Variants in ST6GALNAC3 observed in about 807,000 individuals in gnomAD.
ST6GALNAC3 encodes the protein ST6 N-acetylgalactosaminide alpha-2,6-sialyltransferase 3, also known as alpha-N-acetylgalactosaminide alpha-2,6-sialyltransferase 3.
In ST6GALNAC3, 25 loss-of-function variants were observed where a neutral mutation model predicts 32.7. The observed-to-expected ratio is 0.76, with a 90% CI of 0.56 to 1.07. The LOEUF is 1.07. ST6GALNAC3 is among the 50% of genes least tolerant of loss of function. ST6GALNAC3 has a pLI of 0.00. For missense variants in ST6GALNAC3, 355 were observed against 382.4 expected, an observed-to-expected ratio of 0.93 and a Z score of 0.60; for synonymous variants, 129 against 133.1, an observed-to-expected ratio of 0.97 and a Z score of 0.21.
intron 1 of ST6GALNAC3, among the ~76,000 whole-genome samples, chr1:76,132,565 C>T (rs929043441): frequency 6.6e-6 from 1 of 152,156 alleles, no homozygotes; most frequent in Non-Finnish European, 1.5e-5. Flanking sequence ...AAGCCACAAC[C>T]ACATTGCACT....
intron 3 of ST6GALNAC3, among the ~76,000 whole-genome samples, chr1:76,599,686 TTTGA>T (rs1396869085): frequency 1.3e-5 from 2 of 151,714 alleles, no homozygotes; most frequent in African/African-American, 4.8e-5. Context: ...AAATTCGTTG[TTTGA>T]TTATTTTATT....
intron 2 of ST6GALNAC3, among the ~76,000 whole-genome samples, chr1:76,380,573 C>T (rs1351735141): frequency 1.3e-5 from 2 of 152,026 alleles, no homozygotes; most frequent in Non-Finnish European, 2.9e-5. Flanking sequence ...TGTCCACCAA[C>T]AGTAGAATAG....
At chr1:76,122,792 G>T (rs1648971261) in intron 1 of ST6GALNAC3, among the ~76,000 whole-genome samples, 2 of 152,102 alleles carry the variant, frequency 1.3e-5, no homozygotes, top group Non-Finnish European at 2.9e-5. Context: ...CCAGGAACAG[G>T]TAGCATCATT....
At position 76,219,961 on chromosome 1, in the gene ST6GALNAC3, T is replaced by C. The variant is rs376284180; in HGVS notation, c.19-93844T>C. On this transcript the variant is annotated intron_variant, in intron 1 of 4. Coordinates refer to ENST00000328299, the MANE Select transcript of ST6GALNAC3 (RefSeq NM_152996.4). ...AATTCCTGTGACTCGTGGTGGTTGT[T>C]ATAGAGAGGGTACACAGTGGTGAAT... Among the ~76,000 whole-genome samples, 11 of 152,218 alleles carry C rather than the reference T, an allele frequency of 7.2e-5. No homozygotes were observed. In the East Asian group the frequency reaches 1.4e-3, roughly 19 times the overall value.
intron 3 of ST6GALNAC3, among the ~76,000 whole-genome samples, chr1:76,584,973 T>C (rs1371523570): frequency 6.6e-6 from 1 of 152,056 alleles, no homozygotes; most frequent in South Asian, 2.1e-4. Context: ...GGTCCCAGAG[T>C]GAAGAAGACA....
intron 1 of ST6GALNAC3, among the ~76,000 whole-genome samples, chr1:76,298,177 C>T (rs1343014873): frequency 6.6e-6 from 1 of 151,964 alleles, no homozygotes; most frequent in Non-Finnish European, 1.5e-5. Flanking sequence ...ATAGACAACT[C>T]CCTCTCACCT....
At chr1:76,247,772 A>T (rs2100687784) in intron 1 of ST6GALNAC3, among the ~76,000 whole-genome samples, 1 of 150,644 alleles carries the variant, frequency 6.6e-6, no homozygotes, top group East Asian at 2.0e-4. Flanking sequence ...TGGGAGTGGG[A>T]CCTGCTGAGT....
chr1:76,255,817 G>A (rs1657887519), intron 1 of ST6GALNAC3, among the ~76,000 whole-genome samples: 1 of 151,840 alleles, frequency 6.6e-6, no homozygotes, highest in Non-Finnish European at 1.5e-5. Context: ...AACAATAATT[G>A]TAAACTAGAA....
intron 1 of ST6GALNAC3, among the ~76,000 whole-genome samples, chr1:76,075,158 A>C (rs1233554223): frequency 6.6e-6 from 1 of 152,082 alleles, no homozygotes; most frequent in Non-Finnish European, 1.5e-5. Flanking sequence ...CTGTGTGCCG[A>C]ATAATGGGGA....
At chr1:76,184,519 GCACACACACACACACACA>G (rs71071992) in intron 1 of ST6GALNAC3, among the ~76,000 whole-genome samples, 1 of 134,176 alleles carries the variant, frequency 7.5e-6, no homozygotes, top group African/African-American at 2.9e-5. Flanking sequence ...CTCCTGGGCA[GCACACACACACACACACA>G]CACACACACA....
At chr1:76,090,934 C>T (rs1647036059) in intron 1 of ST6GALNAC3, among the ~76,000 whole-genome samples, 1 of 152,198 alleles carries the variant, frequency 6.6e-6, no homozygotes, top group East Asian at 1.9e-4. Context: ...TTAGAGTGCT[C>T]AGAGTCCCTG....
intron 1 of ST6GALNAC3, among the ~76,000 whole-genome samples, chr1:76,261,518 C>G (rs565882809): frequency 6.6e-6 from 1 of 152,346 alleles, no homozygotes; most frequent in East Asian, 1.9e-4. Context: ...CCTGTCCCTA[C>G]CACTTACCTG....
intron 3 of ST6GALNAC3, among the ~76,000 whole-genome samples, chr1:76,421,792 G>A (rs1407352853): frequency 6.6e-6 from 1 of 151,964 alleles, no homozygotes; most frequent in Non-Finnish European, 1.5e-5. Context: ...TATAGACTAA[G>A]AGGAAAATTA....
At chr1:76,184,899 C>T (rs1284108654) in intron 1 of ST6GALNAC3, among the ~76,000 whole-genome samples, 1 of 152,196 alleles carries the variant, frequency 6.6e-6, no homozygotes, top group East Asian at 1.9e-4. Context: ...GTTGTCCAGT[C>T]GAGTATGGCC....
intron 3 of ST6GALNAC3, among the ~76,000 whole-genome samples, chr1:76,464,524 T>C (rs1404429708): frequency 6.6e-6 from 1 of 152,154 alleles, no homozygotes; most frequent in African/African-American, 2.4e-5. Context: ...ACTTACCACT[T>C]TGCTGACAAG....
intron 3 of ST6GALNAC3, among the ~76,000 whole-genome samples, chr1:76,493,136 A>G (rs1053300393): frequency 6.6e-6 from 1 of 151,444 alleles, no homozygotes; most frequent in Non-Finnish European, 1.5e-5. Flanking sequence ...TGCTTATATC[A>G]TTTAGCAACC....
rs1021621308 is a variant in ST6GALNAC3, at chr1:76,608,603, G to C, written c.624-18849G>C. 7.7e-5 allele frequency among the ~76,000 whole-genome samples: 8 copies of C among 104,418 alleles called. No individual in the cohort carries two copies. In the East Asian group the frequency reaches 1.7e-3, roughly 22 times the overall value. The allele number at this position is 104,418 out of a possible 152,430, so 68.5% of individuals were successfully genotyped here. A position where few individuals can be genotyped will look rare whatever the true frequency, so the allele number is the denominator to read the frequency against. On this transcript the variant is annotated intron_variant, in intron 3 of 4. Transcript: ENST00000328299. ...CAAAAGCCCTGAGCTGGAAATGTGTGTGTGTGTGTGTGTGTGTGTGTGTGT... is the reference window on the plus strand; with the variant it reads ...CAAAAGCCCTGAGCTGGAAATGTGTCTGTGTGTGTGTGTGTGTGTGTGTGT...
intron 2 of ST6GALNAC3, among the ~76,000 whole-genome samples, chr1:76,385,238 A>G (rs1251492655): frequency 1.3e-5 from 2 of 152,150 alleles, no homozygotes; most frequent in Non-Finnish European, 2.9e-5. Context: ...ATTCTGTATC[A>G]GTCATGAGAC....
chr1:76,077,222 T>C (rs1454925771), intron 1 of ST6GALNAC3, among the ~76,000 whole-genome samples: 3 of 152,090 alleles, frequency 2.0e-5, no homozygotes, highest in African/African-American at 7.2e-5. Flanking sequence ...TTATAACCAT[T>C]GCGTTACAGG....
Sources: gnomAD v4.1 joint callset for allele counts (sites outside exome capture counted in the v4.1 genomes callset) on GRCh38, gnomAD v4.1.1 for gene constraint, MANE v1.5 for transcripts, NCBI Gene and HGNC (gene_info 2026-07-23, HGNC 2026-07-21) for gene names.